Variants in TMIGD3 observed in about 807,000 individuals in gnomAD.
TMIGD3 encodes AD026 protein (AD026).
TMIGD3 carries 21 observed loss-of-function variants against 28.1 expected under a neutral mutation model. That is an observed-to-expected ratio of 0.75 (90% CI 0.53 to 1.08). The LOEUF is 1.08. TMIGD3 is among the 50% of genes least tolerant of loss of function. The pLI is 0.00. For synonymous variants in TMIGD3, 151 were observed against 162.1 expected, an observed-to-expected ratio of 0.93 and a Z score of 0.52; for missense variants, 416 against 435.6, an observed-to-expected ratio of 0.96 and a Z score of 0.40.
At chr1:111,504,765 G>T, upstream of TMIGD3, 1 of 687,700 alleles carries the variant, frequency 1.5e-6, no homozygotes, top group Non-Finnish European at 1.8e-6. Flanking sequence ...GGGCTCATCA[G>T]GGTCCTCTTG....
chr1:111,540,480 A>G (rs887906857), intron 1 of TMIGD3, among the ~76,000 whole-genome samples: 5 of 152,230 alleles, frequency 3.3e-5, no homozygotes, highest in Non-Finnish European at 2.9e-5. Context: ...CTTCTCCTGT[A>G]GACACCCACA....
chr1:111,520,209 A>G (rs1286462574), intron 1 of TMIGD3, among the ~76,000 whole-genome samples: 2 of 152,202 alleles, frequency 1.3e-5, no homozygotes, highest in Non-Finnish European at 2.9e-5. Context: ...GCTTTCTTTT[A>G]TGGAGGAAAC....
chr1:111,500,039 T>A (rs1309009403), intron 1 of TMIGD3: 1 of 1,614,248 alleles, frequency 6.2e-7, no homozygotes, highest in Non-Finnish European at 8.5e-7. Context: ...TAGGTTTCCT[T>A]GAACTTCTTT....
chr1:111,489,470 C>CTTCATAACA (rs1654551269), intron 2 of TMIGD3: 1 of 780,718 alleles, frequency 1.3e-6, no homozygotes, highest in African/African-American at 1.9e-5. Flanking sequence ...AACTTACCAC[C>CTTCATAACA]TTCATAACAT....
At chr1:111,522,561 G>A (rs1656109865) in intron 1 of TMIGD3, among the ~76,000 whole-genome samples, 1 of 148,670 alleles carries the variant, frequency 6.7e-6, no homozygotes, top group Non-Finnish European at 1.5e-5. Flanking sequence ...CTGTCACCCA[G>A]GCTGAAGTGC....
intron 1 of TMIGD3, among the ~76,000 whole-genome samples, chr1:111,511,814 A>G (rs577294136): frequency 3.3e-4 from 50 of 152,188 alleles, no homozygotes; most frequent in Middle Eastern, 6.8e-3. Context: ...CTTGTTCACA[A>G]TTCTATCTGC....
intron 1 of TMIGD3, among the ~76,000 whole-genome samples, chr1:111,517,958 C>T (rs571071376): frequency 1.3e-5 from 2 of 152,312 alleles, no homozygotes; most frequent in Non-Finnish European, 2.9e-5. Flanking sequence ...AGACTGGGTT[C>T]TTTTGTATCT....
chr1:111,559,560 G>A (rs780506878), intron 1 of TMIGD3, among the ~76,000 whole-genome samples: 2 of 152,110 alleles, frequency 1.3e-5, no homozygotes, highest in African/African-American at 2.4e-5. Context: ...TATCTGGAAA[G>A]GAGATCATAA....
chr1:111,493,385 C>T (rs142533018), intron 1 of TMIGD3, among the ~76,000 whole-genome samples: 128 of 152,220 alleles, frequency 8.4e-4, no homozygotes, highest in African/African-American at 2.9e-3. Context: ...GGCACCTCCC[C>T]CCACCCTGCT....
intron 1 of TMIGD3, among the ~76,000 whole-genome samples, chr1:111,546,527 C>G (rs1289512546): frequency 6.6e-6 from 1 of 152,114 alleles, no homozygotes; most frequent in East Asian, 1.9e-4. Context: ...TAATACTTGT[C>G]CTTTTGTGAC....
At chr1:111,506,893 A>AAC (rs1655508665), upstream of TMIGD3, among the ~76,000 whole-genome samples, 1 of 56,568 alleles carries the variant, frequency 1.8e-5, no homozygotes, top group Non-Finnish European at 4.5e-5. Flanking sequence ...TCTTAAAAAC[A>AAC]AAAAATATAT....
At chr1:111,496,540 C>T (rs1385976956) in intron 1 of TMIGD3, among the ~76,000 whole-genome samples, 1 of 152,176 alleles carries the variant, frequency 6.6e-6, no homozygotes, top group Non-Finnish European at 1.5e-5. Flanking sequence ...ACCAAACTAA[C>T]CTCAAACTAG....
intron 3 of TMIGD3, among the ~76,000 whole-genome samples, chr1:111,488,294 C>T (rs1186706886): frequency 2.6e-5 from 4 of 152,006 alleles, no homozygotes; most frequent in Non-Finnish European, 5.9e-5. Context: ...GCAATCTCGG[C>T]TCACTGCAAC....
intron 2 of TMIGD3, chr1:111,489,741 T>C: frequency 9.6e-7 from 1 of 1,041,800 alleles, no homozygotes. Flanking sequence ...TGGAGGCTTC[T>C]GCTGGCTGCA....
chr1:111,511,947 T>C lies in TMIGD3; in HGVS notation c.108-21185A>G, dbSNP rs1243808432. On this transcript the variant is annotated intron_variant, in intron 1 of 5. Coordinates refer to the TMIGD3 transcript ENST00000369717. ...GATGGGGTTTTTAGGACACAACACA[T>C]TTGGAGTAAGATGTAACACCAGAGG... Among the ~76,000 whole-genome samples, 3 of 152,138 alleles carry C rather than the reference T, an allele frequency of 2.0e-5. No homozygotes were observed. The East Asian group carries it at 5.8e-4, about 29-fold the overall frequency.
rs144054977 is a variant in TMIGD3, at chr1:111,557,498, C to T, written c.107+6348G>A. Among the ~76,000 whole-genome samples, 1,379 of 150,636 alleles carry T rather than the reference C, an allele frequency of 9.2e-3. 17 individuals carry two copies. Among genetic ancestry groups the T allele is most frequent in the African/African-American group, 0.032 (1,331 of 40,962 alleles). ...CCAGGAGGAGGAGGTTGCAGTGAGC[C>T]GAGATCACACCACTGCACTCCAGCC... is the stretch of plus-strand genomic sequence containing the variant. On this transcript the variant is annotated intron_variant, in intron 1 of 5. Coordinates refer to the TMIGD3 transcript ENST00000369717.
chr1:111,502,862 A>G, intron 1 of TMIGD3, 143 bp downstream of exon 1: 1 of 1,034,744 alleles, frequency 9.7e-7, no homozygotes, highest in Non-Finnish European at 1.4e-6. Context: ...CTCACAGACC[A>G]TATCACAAAA....
chr1:111,527,203 G>C (rs1023838186), intron 1 of TMIGD3, among the ~76,000 whole-genome samples: 2 of 151,718 alleles, frequency 1.3e-5, no homozygotes, highest in African/African-American at 2.4e-5. Context: ...GTAGAGACAG[G>C]GTTTCACCAT....
chr1:111,488,552 A>C (rs977557620), intron 3 of TMIGD3, 125 bp downstream of exon 3: 21 of 800,418 alleles, frequency 2.6e-5, no homozygotes, highest in Admixed American at 1.4e-4. Flanking sequence ...GAGAGAGGCC[A>C]GGCAGGCCCA....
Sources: gnomAD v4.1 joint callset for allele counts (sites outside exome capture counted in the v4.1 genomes callset) on GRCh38, gnomAD v4.1.1 for gene constraint, MANE v1.5 for transcripts, NCBI Gene and HGNC (gene_info 2026-07-23, HGNC 2026-07-21) for gene names.